The following COMMD5 variants were observed in gnomAD, a reference collection of about 807,000 sequenced individuals.
COMMD5 encodes COMM domain-containing protein 5.
COMMD5 carries 10 observed loss-of-function variants against 6.9 expected under a neutral mutation model. The ratio of observed to expected loss-of-function variants is 1.44; its 90% CI spans 0.89 to 2.45. COMMD5 has a LOEUF of 2.45. Among genes scored for constraint, COMMD5 ranks in the 30% most tolerant of loss-of-function variants. The pLI is 0.00. For synonymous variants in COMMD5, 127 were observed against 125.3 expected, an observed-to-expected ratio of 1.01 and a Z score of -0.09; for missense variants, 234 against 287.8, an observed-to-expected ratio of 0.81 and a Z score of 1.35.
chr8:144,850,323 T>A lies in COMMD5; in HGVS notation c.*341A>T, dbSNP rs1830677996. On this transcript the variant is annotated 3_prime_UTR_variant, in exon 2 of 2. Coordinates refer to ENST00000305103, the MANE Select transcript of COMMD5 (RefSeq NM_014066.4). This position sits in a 1 kb window ranked among gnomAD's most constrained non-coding sequence, Gnocchi z 4.0. The stretch of plus-strand genomic sequence containing the variant: ...AGATCTACAAAAGCACCTGGCTACA[T>A]GGGGCCAGGCTGAGCAACTGTATGT... The A allele has an allele frequency of 4.6e-6, 1 of 219,732 alleles. No homozygotes were observed. The highest frequency in any genetic ancestry group is 1.2e-4 in the South Asian group (1 of 8,112). 13.6% of individuals were successfully genotyped at this position (219,732 alleles called of 1,614,324 possible). A position where few individuals can be genotyped will look rare whatever the true frequency, so the allele number is the denominator to read the frequency against.
At chr8:144,842,794 A>G in intron 1 of COMMD5, 1 of 1,614,246 alleles carries the variant, frequency 6.2e-7, no homozygotes, top group Non-Finnish European at 8.5e-7. Flanking sequence ...GAAAGCCTTC[A>G]GTCAAAACTC....
In COMMD5 at chr8:144,851,326, C is replaced by T; in HGVS notation, c.13G>A (p.Gly5Arg). ...TGATGCAGGTATGGAGTTGCAGCCC[C>T]CACAGCAGACATTGCTGCTGCTTCC... is the stretch of plus-strand genomic sequence containing the variant. MSAV[G>R]AATPYLHHPG... Residue 5 changes from glycine to arginine, a missense_variant, in exon 2 of 2, where the codon GGG (glycine) becomes AGG (arginine). Gly to Arg is a moderately radical substitution (Grantham distance 125). Transcript: ENST00000305103. 6.2e-7 allele frequency: 1 copy of T among 1,606,728 alleles called. No individual in the cohort carries two copies. The highest frequency in any genetic ancestry group is 1.1e-5 in the South Asian group (1 of 90,668).
chr8:144,851,226 C>T lies in COMMD5; in HGVS notation c.113G>A (p.Arg38Gln), dbSNP rs140849685. ...QLPPEVAAMA[R>Q]LLGDLDRSTF... ...GCTCCTGTCTAGGTCCCCTAGTAGC[C>T]GGGCCATTGCTGCCACCTCTGGAGG... is the stretch of plus-strand genomic sequence containing the variant. Residue 38 changes from arginine (R) to glutamine (Q), a missense_variant, in exon 2 of 2, where the codon CGG becomes CAG. Physicochemically the swap from Arg to Gln is conservative, Grantham distance 43 (BLOSUM62 1). Coordinates refer to ENST00000305103, the MANE Select transcript of COMMD5 (RefSeq NM_014066.4). 6.1e-3 allele frequency: 9,803 copies of T among 1,614,012 alleles called. 31 individuals carry two copies. Among genetic ancestry groups the T allele is most frequent in the Non-Finnish European group, 7.5e-3 (8,818 of 1,180,034 alleles).
chr8:144,846,027 C>T (rs569015446), downstream of COMMD5: 90 of 1,536,568 alleles, frequency 5.9e-5, no homozygotes, highest in Non-Finnish European at 7.7e-5. Context: ...CACCCACATG[C>T]ACCGCCTGCA....
chr8:144,841,617 A>G, exon 2 of COMMD5: 2 of 1,614,194 alleles, frequency 1.2e-6, no homozygotes, highest in Non-Finnish European at 1.7e-6. Context: ...CACCCCAGGG[A>G]TGTAAGGAGC....
downstream of COMMD5, chr8:144,838,216 T>G: frequency 1.4e-6 from 1 of 693,754 alleles, no homozygotes; most frequent in Non-Finnish European, 2.6e-6. Flanking sequence ...TGTGTTCATG[T>G]GGCCATCTCC....
chr8:144,846,898 A>C (rs1254704791), downstream of COMMD5: 1 of 151,994 alleles, frequency 6.6e-6, no homozygotes, highest in Non-Finnish European at 1.5e-5. Flanking sequence ...ACGGGGTTTC[A>C]CTGTGTTAGC....
chr8:144,850,597 C>T lies in COMMD5; in HGVS notation c.*67G>A. On this transcript the variant is annotated 3_prime_UTR_variant, in exon 2 of 2. Coordinates refer to ENST00000305103, the MANE Select transcript of COMMD5 (RefSeq NM_014066.4). This position sits in a 1 kb window ranked among gnomAD's most constrained non-coding sequence, Gnocchi z 4.0. ...GCAGGGCTGTCGTGGGAAGAGTCAG[C>T]TGCACTTTGGCACCATCTCAGGTGC... is the stretch of plus-strand genomic sequence containing the variant. The T allele has an allele frequency of 6.5e-7, 1 of 1,537,508 alleles. No individual in the cohort carries two copies. The highest frequency in any genetic ancestry group is 8.8e-7 in the Non-Finnish European group (1 of 1,132,900).
downstream of COMMD5, chr8:144,846,145 A>G (rs1830501107): frequency 1.3e-6 from 2 of 1,536,092 alleles, no homozygotes; most frequent in East Asian, 2.4e-5. Context: ...ATCAGGACAG[A>G]AGGAGGGGAA....
Position 144,851,137 on chromosome 8 carries a change from C to T in COMMD5, c.202G>A (p.Val68Met). The change falls in exon 2 of 2, where the codon GTG (valine) becomes ATG (methionine). Residue 68 changes from valine (V) to methionine (M), a missense_variant. Transcript: ENST00000305103. Reference protein sequence around the residue: ...SLQGEDCREAVQRLGVSANLP... With the variant: ...SLQGEDCREAMQRLGVSANLP... ...TTGGCGCTGACCCCAAGACGCTGCA[C>T]AGCCTCTCGGCAGTCCTCCCCCTGC... is the stretch of plus-strand genomic sequence containing the variant. 6.2e-7 allele frequency: 1 copy of T among 1,613,168 alleles called. No individual in the cohort carries two copies. Among genetic ancestry groups the T allele is most frequent in the Non-Finnish European group, 8.5e-7 (1 of 1,180,002 alleles).
downstream of COMMD5, among the ~76,000 whole-genome samples, chr8:144,840,079 C>T (rs1300616944): frequency 6.6e-6 from 1 of 152,216 alleles, no homozygotes; most frequent in African/African-American, 2.4e-5. Flanking sequence ...GGATTACAGG[C>T]GTGAGCCACT....
Position 144,842,663 on chromosome 8 carries a change from A to G in COMMD5, c.*117-920T>C. 3 of 1,614,210 alleles carry G rather than the reference A, an allele frequency of 1.9e-6. No homozygotes were observed. The highest frequency in any genetic ancestry group is 2.5e-6 in the Non-Finnish European group (3 of 1,180,050). ...AGCCTTATTTACCATCAGAGAATCC[A>G]TAAAGGAGAGAAGCCCTACGAATGC... On this transcript the variant is annotated intron_variant and NMD_transcript_variant, in intron 1 of 1. Coordinates refer to the COMMD5 transcript ENST00000530332.
In COMMD5 at chr8:144,850,688, C is replaced by T; in HGVS notation, c.651G>A (p.Arg217=). Residue 217 remains arginine (R), a synonymous_variant, in exon 2 of 2, where the codon AGG becomes AGA. Transcript: ENST00000305103. This position sits in a 1 kb window ranked among gnomAD's most constrained non-coding sequence, Gnocchi z 4.0. ...GTCAGTCCTGCAGTCTGCGCTCACA[C>T]CTCTTCTCCAGATCTGCCATCTCCT... is the stretch of plus-strand genomic sequence containing the variant. ...VLKEMADLEK[R]CERRLQD is the part of the protein sequence containing the mutation. 1.2e-6 allele frequency: 2 copies of T among 1,613,818 alleles called. No homozygotes were observed. Among genetic ancestry groups the T allele is most frequent in the Non-Finnish European group, 1.7e-6 (2 of 1,180,030 alleles).
Position 144,843,257 on chromosome 8 carries a change from T to C in COMMD5, c.*117-1514A>G, listed in dbSNP as rs747760704. On this transcript the variant is annotated intron_variant and NMD_transcript_variant, in intron 1 of 1. Transcript: ENST00000530332. ...ATGGAATCGTTTATACTGACAAACA[T>C]GTAGAATGTTGGTAAAGGTTCAGAA... is the stretch of plus-strand genomic sequence containing the variant. 4.3e-5 allele frequency: 60 copies of C among 1,404,936 alleles called. No homozygotes were observed. The Middle Eastern group carries it at 1.3e-3, about 31-fold the overall frequency. The allele number at this position is 1,404,936 out of a possible 1,614,324, so 87.0% of individuals were successfully genotyped here. A position where few individuals can be genotyped will look rare whatever the true frequency, so the allele number is the denominator to read the frequency against.
At chr8:144,846,767 C>G (rs756526635), downstream of COMMD5, 5 of 152,270 alleles carry the variant, frequency 3.3e-5, no homozygotes, top group African/African-American at 1.2e-4. Flanking sequence ...GGTGCGGTCT[C>G]GGCTCACTGC....
chr8:144,838,937 G>A (rs537771705), downstream of COMMD5: 13 of 105,540 alleles, frequency 1.2e-4, no homozygotes, highest in South Asian at 1.2e-3. Flanking sequence ...GCGAGATGAC[G>A]TCTCAAAAAA....
At chr8:144,845,876 C>A, downstream of COMMD5, 1 of 1,163,656 alleles carries the variant, frequency 8.6e-7, no homozygotes, top group South Asian at 1.5e-5. Context: ...CCCTGCCTTG[C>A]GTCACGTGGC....
rs1830688404 is a variant in COMMD5 at position 144,850,586 on chromosome 8, G to C, written c.*78C>G. The C allele has an allele frequency of 1.3e-6, 2 of 1,488,504 alleles. No homozygotes were observed. The highest frequency in any genetic ancestry group is 1.9e-5 in the Admixed American group (1 of 51,780). The allele number at this position is 1,488,504 out of a possible 1,614,324, so 92.2% of individuals were successfully genotyped here. A position where few individuals can be genotyped will look rare whatever the true frequency, so the allele number is the denominator to read the frequency against. ...TCATGGGAAGGGCAGGGCTGTCGTG[G>C]GAAGAGTCAGCTGCACTTTGGCACC... is the stretch of plus-strand genomic sequence containing the variant. On this transcript the variant is annotated 3_prime_UTR_variant, in exon 2 of 2. Transcript: ENST00000305103. This position sits in a 1 kb window ranked among gnomAD's most constrained non-coding sequence, Gnocchi z 4.0.
downstream of COMMD5, chr8:144,846,558 A>T (rs936804280): frequency 5.2e-6 from 1 of 193,772 alleles, no homozygotes; most frequent in African/African-American, 2.3e-5. Context: ...CTGAAGGATT[A>T]TTTTTCCTCT....
Sources: gnomAD v4.1 joint callset for allele counts (sites outside exome capture counted in the v4.1 genomes callset) on GRCh38, gnomAD v4.1.1 for gene constraint, Gnocchi (gnomAD v3.1) non-coding constraint, MANE v1.5 for transcripts, NCBI Gene and HGNC (gene_info 2026-07-23, HGNC 2026-07-21) for gene names.